Variants in OR10A2 observed in about 807,000 individuals in gnomAD.
OR10A2 encodes olfactory receptor 10A2.
OR10A2 carries 15 observed loss-of-function variants against 13.7 expected under a neutral mutation model. That is an observed-to-expected ratio of 1.10 (90% CI 0.73 to 1.69). The LOEUF (loss-of-function observed/expected upper bound fraction) is 1.69. OR10A2 is among the 40% of genes most tolerant of loss of function. OR10A2 has a pLI of 0.00. For missense variants in OR10A2, 343 were observed against 361.1 expected (o/e 0.95, Z 0.41); for synonymous variants, 145 against 144.7 (o/e 1.00, Z -0.02).
chr11:6,864,919 T>C (rs971639167), intron 1 of OR10A2, among the ~76,000 whole-genome samples: 1 of 147,258 alleles, frequency 6.8e-6, no homozygotes, highest in African/African-American at 2.5e-5. Flanking sequence ...AAATTTCTTA[T>C]ATATATAAAT....
chr11:6,874,021 T>C lies in OR10A2; in HGVS notation c.*3355T>C, dbSNP rs965896860. On this transcript the variant is annotated 3_prime_UTR_variant, in exon 2 of 2. Coordinates refer to ENST00000641461, the MANE Select transcript of OR10A2 (RefSeq NM_001004460.2). Reference sequence around the variant, plus strand: ...TGGCTTGTACTTTGGGGTGGTGCCATTTACTGAAATGGGGTATCTACAAAG... The same window carrying C: ...TGGCTTGTACTTTGGGGTGGTGCCACTTACTGAAATGGGGTATCTACAAAG... The C allele has an allele frequency of 2.6e-5, 4 of 152,196 alleles. No individual in the cohort carries two copies. Among genetic ancestry groups the C allele is most frequent in the African/African-American group, 9.6e-5 (4 of 41,456 alleles). The allele number at this position is 152,196 out of a possible 1,614,324, so 9.4% of individuals were successfully genotyped here.
At chr11:6,863,461 G>T (rs1395364515) in intron 1 of OR10A2, 110 bp downstream of exon 1, 2 of 144,706 alleles carry the variant, frequency 1.4e-5, no homozygotes, top group Non-Finnish European at 3.0e-5. Flanking sequence ...TCAGAGTTTG[G>T]ATACCTAATT....
chr11:6,865,384 G>A lies in OR10A2; in HGVS notation c.-133+2033G>A, dbSNP rs189529376. 1.7e-3 allele frequency among the ~76,000 whole-genome samples: 253 copies of A among 151,726 alleles called. 1 individual carries two copies. The highest frequency in any genetic ancestry group is 6.9e-3 in the Middle Eastern group (2 of 290). On this transcript the variant is annotated intron_variant, in intron 1 of 1. Coordinates refer to ENST00000641461, the MANE Select transcript of OR10A2 (RefSeq NM_001004460.2). ...TAATATTATATGGTGATTATTATAT[G>A]ACAGCATTAAATGTTCTTCAAAAAT... is the stretch of plus-strand genomic sequence containing the variant.
rs1294563863 is a variant in OR10A2 at position 6,872,352 on chromosome 11, G to C, written c.*1686G>C. On this transcript the variant is annotated 3_prime_UTR_variant, in exon 2 of 2. Coordinates refer to ENST00000641461, the MANE Select transcript of OR10A2 (RefSeq NM_001004460.2). ...CTCTTTCTGTATGCACCCATTTCAA[G>C]TTTATTAATAAATACATTAAATTTT... The C allele has an allele frequency of 1.3e-5, 2 of 152,176 alleles. No homozygotes were observed. The highest frequency in any genetic ancestry group is 2.9e-5 in the Non-Finnish European group (2 of 68,042). 9.4% of individuals were successfully genotyped at this position (152,176 alleles called of 1,614,324 possible).
chr11:6,871,975 G>A lies in OR10A2; in HGVS notation c.*1309G>A, dbSNP rs1848439127. ...TATCTAGCTCCCCTCTGAACTTATT[G>A]CACCATTTTATGCTCCCACCAGCAA... On this transcript the variant is annotated 3_prime_UTR_variant, in exon 2 of 2. Transcript: ENST00000641461. The A allele has an allele frequency of 2.0e-5, 3 of 152,142 alleles. No individual in the cohort carries two copies. Among genetic ancestry groups the A allele is most frequent in the Non-Finnish European group, 2.9e-5 (2 of 68,010 alleles). The allele number at this position is 152,142 out of a possible 1,614,324, so 9.4% of individuals were successfully genotyped here.
chr11:6,865,782 C>T (rs1848374834), intron 1 of OR10A2, among the ~76,000 whole-genome samples: 1 of 152,124 alleles, frequency 6.6e-6, no homozygotes, highest in African/African-American at 2.4e-5. Context: ...TTACAGGAGA[C>T]ATAATCATTT....
At chr11:6,866,276 T>C (rs1848377645) in intron 1 of OR10A2, among the ~76,000 whole-genome samples, 2 of 152,344 alleles carry the variant, frequency 1.3e-5, no homozygotes, top group South Asian at 4.1e-4. Flanking sequence ...AGTTACATGC[T>C]TAGTTTTTTT....
In OR10A2 at chr11:6,869,722, G is replaced by A; in HGVS notation, c.-33G>A. ...ACTTCTGCCCACACTTATAGCTACAGGAAACTGGACAAGAATAAGTGAGTT... is the reference window on the plus strand; with the variant it reads ...ACTTCTGCCCACACTTATAGCTACAAGAAACTGGACAAGAATAAGTGAGTT... On this transcript the variant is annotated 5_prime_UTR_variant, in exon 2 of 2. Transcript: ENST00000641461. The A allele has an allele frequency of 6.3e-7, 1 of 1,582,220 alleles. No homozygotes were observed. The highest frequency in any genetic ancestry group is 8.7e-7 in the Non-Finnish European group (1 of 1,153,768).
rs1009971630 is a variant in OR10A2, at chr11:6,871,752, G to C, written c.*1086G>C. 1 of 152,104 alleles carries C rather than the reference G, an allele frequency of 6.6e-6. No individual in the cohort carries two copies. The highest frequency in any genetic ancestry group is 1.5e-5 in the Non-Finnish European group (1 of 68,016). 9.4% of individuals were successfully genotyped at this position (152,104 alleles called of 1,614,324 possible). ...CAAGATTTCTCCTTCTTATAATCTG[G>C]TAGTACTCTATTTGTAGATGTGCCC... On this transcript the variant is annotated 3_prime_UTR_variant, in exon 2 of 2. Transcript: ENST00000641461.
In OR10A2 at chr11:6,873,233, C is replaced by T. The variant is rs1449444124; in HGVS notation, c.*2567C>T. On this transcript the variant is annotated 3_prime_UTR_variant, in exon 2 of 2. Transcript: ENST00000641461. ...AGGGCTAGACTCAAAATACATGCAACTTTAAAGACAAGGCATTAGTAGAAA... is the reference window on the plus strand; with the variant it reads ...AGGGCTAGACTCAAAATACATGCAATTTTAAAGACAAGGCATTAGTAGAAA... 1.3e-5 allele frequency: 2 copies of T among 152,180 alleles called. No individual in the cohort carries two copies. Among genetic ancestry groups the T allele is most frequent in the African/African-American group, 2.4e-5 (1 of 41,430 alleles). 9.4% of individuals were successfully genotyped at this position (152,180 alleles called of 1,614,324 possible). A position where few individuals can be genotyped will look rare whatever the true frequency, so the allele number is the denominator to read the frequency against.
rs1848376297 is a variant in OR10A2, at chr11:6,866,033, C to A, written c.-133+2682C>A. Among the ~76,000 whole-genome samples, 3 of 152,126 alleles carry A rather than the reference C, an allele frequency of 2.0e-5. No individual in the cohort carries two copies. The South Asian group carries it at 6.2e-4, about 32-fold the overall frequency. On this transcript the variant is annotated intron_variant, in intron 1 of 1. Transcript: ENST00000641461. Reference sequence around the variant, plus strand: ...TAATAAAATATGTGTCTGTTTTATTCACTCAGAATTATCTGTAAATTCATT... The same window carrying A: ...TAATAAAATATGTGTCTGTTTTATTAACTCAGAATTATCTGTAAATTCATT...
intron 1 of OR10A2, among the ~76,000 whole-genome samples, chr11:6,867,459 G>A (rs1848388216): frequency 6.6e-6 from 1 of 152,104 alleles, no homozygotes; most frequent in Non-Finnish European, 1.5e-5. Flanking sequence ...TGATCCTCCT[G>A]CCTTGGCCTC....
intron 1 of OR10A2, among the ~76,000 whole-genome samples, chr11:6,867,269 C>T (rs964321853): frequency 2.6e-5 from 4 of 151,714 alleles, no homozygotes; most frequent in African/African-American, 4.8e-5. Flanking sequence ...TAGAATGCAG[C>T]GGTGCAGTCT....
chr11:6,870,805 A>G lies in OR10A2; in HGVS notation c.*139A>G. The G allele has an allele frequency of 1.5e-5, 10 of 678,468 alleles. No homozygotes were observed. The highest frequency in any genetic ancestry group is 2.3e-5 in the South Asian group (1 of 44,212). The allele number at this position is 678,468 out of a possible 1,614,324, so 42.0% of individuals were successfully genotyped here. A position where few individuals can be genotyped will look rare whatever the true frequency, so the allele number is the denominator to read the frequency against. On this transcript the variant is annotated 3_prime_UTR_variant, in exon 2 of 2. Transcript: ENST00000641461. The stretch of plus-strand genomic sequence containing the variant: ...GGCTTTTGGAAAGCTGAGTGGAGAG[A>G]AAGGAGCAGAGAAGTAGTTTCGACC...
intron 1 of OR10A2, among the ~76,000 whole-genome samples, chr11:6,863,671 C>G (rs957125204): frequency 6.6e-6 from 1 of 152,114 alleles, no homozygotes; most frequent in South Asian, 2.1e-4. Context: ...ATACCCCCTT[C>G]AGGTCTTGAT....
rs762376130 is a variant in OR10A2, at chr11:6,871,771, T to C, written c.*1105T>C. The stretch of plus-strand genomic sequence containing the variant: ...AATCTGGTAGTACTCTATTTGTAGA[T>C]GTGCCCTAATTTATTTAGCCAGTCT... On this transcript the variant is annotated 3_prime_UTR_variant, in exon 2 of 2. Transcript: ENST00000641461. The C allele has an allele frequency of 6.6e-6, 1 of 152,360 alleles. No homozygotes were observed. The highest frequency in any genetic ancestry group is 2.4e-5 in the African/African-American group (1 of 41,582). 9.4% of individuals were successfully genotyped at this position (152,360 alleles called of 1,614,324 possible).
chr11:6,866,118 A>G lies in OR10A2; in HGVS notation c.-133+2767A>G, dbSNP rs148400240. 1.7e-3 allele frequency among the ~76,000 whole-genome samples: 255 copies of G among 152,330 alleles called. 1 individual carries two copies. The highest frequency in any genetic ancestry group is 6.8e-3 in the Middle Eastern group (2 of 294). On this transcript the variant is annotated intron_variant, in intron 1 of 1. Transcript: ENST00000641461. ...TATTGCTGAGTTTACTAAGGTATAA[A>G]TGCATCATAATTTGTTTCATCATCT... is the stretch of plus-strand genomic sequence containing the variant.
Position 6,870,702 on chromosome 11 carries a change from A to T in OR10A2, c.*36A>T. 1 of 1,426,350 alleles carries T rather than the reference A, an allele frequency of 7.0e-7. No individual in the cohort carries two copies. Among genetic ancestry groups the T allele is most frequent in the Non-Finnish European group, 9.5e-7 (1 of 1,051,240 alleles). The allele number at this position is 1,426,350 out of a possible 1,614,324, so 88.4% of individuals were successfully genotyped here. Reference sequence around the variant, plus strand: ...GTAAGGCTACATTTTACTGGATGAGAAACAATCAGTCCCAGATTTGAGATT... The same window carrying T: ...GTAAGGCTACATTTTACTGGATGAGTAACAATCAGTCCCAGATTTGAGATT... On this transcript the variant is annotated 3_prime_UTR_variant, in exon 2 of 2. Coordinates refer to ENST00000641461, the MANE Select transcript of OR10A2 (RefSeq NM_001004460.2).
Position 6,870,501 on chromosome 11 carries a change from T to A in OR10A2, c.747T>A (p.Pro249=). 6.2e-7 allele frequency: 1 copy of A among 1,614,186 alleles called. No homozygotes were observed. Among genetic ancestry groups the A allele is most frequent in the Non-Finnish European group, 8.5e-7 (1 of 1,180,002 alleles). ...YISLSLTYFR[P]KSNNSPEGKK... is the part of the protein sequence containing the mutation. ...CATTAAGCCTCACCTACTTCCGGCC[T>A]AAATCAAATAATTCACCTGAGGGCA... Residue 249 remains proline, a synonymous_variant, in exon 2 of 2, where the codon CCT becomes CCA. Transcript: ENST00000641461.
Sources: gnomAD v4.1 joint callset for allele counts (sites outside exome capture counted in the v4.1 genomes callset) on GRCh38, gnomAD v4.1.1 for gene constraint, MANE v1.5 for transcripts, NCBI Gene and HGNC (gene_info 2026-07-23, HGNC 2026-07-21) for gene names.